Variants in EFCAB13 observed in about 807,000 individuals in gnomAD.
EFCAB13 encodes the protein EF-hand calcium-binding domain-containing protein 13.
In EFCAB13, 91 loss-of-function variants were observed where a neutral mutation model predicts 110.2. The observed-to-expected ratio is 0.83, with a 90% CI of 0.70 to 0.98. EFCAB13 has a LOEUF of 0.98. EFCAB13 is among the 50% of genes least tolerant of loss of function. EFCAB13 has a pLI of 0.00. For synonymous variants in EFCAB13, 323 were observed against 369.9 expected (o/e 0.87, Z 1.45); for missense variants, 968 against 1,119.4 (o/e 0.86, Z 1.93).
At chr17:47,434,389 A>C (rs1460681363) in intron 24 of EFCAB13, among the ~76,000 whole-genome samples, 3 of 152,202 alleles carry the variant, frequency 2.0e-5, no homozygotes, top group African/African-American at 7.2e-5. Context: ...AAAACTACAA[A>C]ACACTGCTGA....
At chr17:47,412,634 A>G in intron 21 of EFCAB13, 139 bp from the exon 22 acceptor site, 5 of 876,322 alleles carry the variant, frequency 5.7e-6, no homozygotes, top group Non-Finnish European at 8.3e-6. Flanking sequence ...TCAGTTACAA[A>G]TAGAAAATAT....
In EFCAB13 at chr17:47,333,020, C is replaced by T. The variant is rs558263947; in HGVS notation, c.31-2176C>T. ...TTTCTGGAATGGCTGTACTAACATTCATACCAACAGTGTGCAGATGTTCCC... is the reference window on the plus strand; with the variant it reads ...TTTCTGGAATGGCTGTACTAACATTTATACCAACAGTGTGCAGATGTTCCC... On this transcript the variant is annotated intron_variant, in intron 4 of 24. Coordinates refer to ENST00000331493, the MANE Select transcript of EFCAB13 (RefSeq NM_152347.5). Among the ~76,000 whole-genome samples, 3 of 152,322 alleles carry T rather than the reference C, an allele frequency of 2.0e-5. No homozygotes were observed. The East Asian group carries it at 5.8e-4, about 29-fold the overall frequency.
intron 5 of EFCAB13, among the ~76,000 whole-genome samples, chr17:47,337,830 T>G (rs766410974): frequency 5.9e-5 from 9 of 152,224 alleles, no homozygotes; most frequent in Admixed American, 6.5e-5. Flanking sequence ...TGATTGGCTA[T>G]ATATTGCTGA....
chr17:47,381,674 G>A (rs1025164328), intron 14 of EFCAB13, among the ~76,000 whole-genome samples: 2 of 152,078 alleles, frequency 1.3e-5, no homozygotes, highest in African/African-American at 4.8e-5. Context: ...GCTGTGTGGT[G>A]CTATTTGAGA....
chr17:47,353,806 T>C (rs1267127599), intron 9 of EFCAB13, among the ~76,000 whole-genome samples: 2 of 152,198 alleles, frequency 1.3e-5, no homozygotes, highest in Non-Finnish European at 2.9e-5. Context: ...TCCATGGCAT[T>C]AGGATTTTCC....
rs2065622262 is a variant in EFCAB13, at chr17:47,377,422, G to A, written c.1373-344G>A. 2.0e-5 allele frequency among the ~76,000 whole-genome samples: 3 copies of A among 152,172 alleles called. No individual in the cohort carries two copies. In the South Asian group the frequency reaches 6.2e-4, roughly 32 times the overall value. ...AATGACCCACCTGCCTTGGCTTCCC[G>A]AAGTGCCGTGATTATAGGCAGGAGC... On this transcript the variant is annotated intron_variant, in intron 12 of 24. Transcript: ENST00000331493.
Position 47,423,495 on chromosome 17 carries a change from C to T in EFCAB13, c.2495-6323C>T, listed in dbSNP as rs567150158. 1.8e-3 allele frequency: 442 copies of T among 240,512 alleles called. 4 individuals carry two copies. The highest frequency in any genetic ancestry group is 9.4e-3 in the African/African-American group (414 of 44,056). 14.9% of individuals were successfully genotyped at this position (240,512 alleles called of 1,614,324 possible). On this transcript the variant is annotated intron_variant, in intron 23 of 24. Transcript: ENST00000331493. ...CTGCGGGCGGCCGGGCGAACGGGCT[C>T]GGCGCGCAGGTGGCTCCTCCTTCGC...
At chr17:47,334,001 T>C (rs1487861627) in intron 4 of EFCAB13, among the ~76,000 whole-genome samples, 1 of 152,208 alleles carries the variant, frequency 6.6e-6, no homozygotes, top group African/African-American at 2.4e-5. Context: ...AGGAATTGCA[T>C]TGAATCTGTA....
chr17:47,381,803 C>T (rs932611496), intron 14 of EFCAB13, among the ~76,000 whole-genome samples: 1 of 152,150 alleles, frequency 6.6e-6, no homozygotes, highest in Non-Finnish European at 1.5e-5. Flanking sequence ...ATACCTCTAG[C>T]TTTCTTCTTT....
intron 6 of EFCAB13, among the ~76,000 whole-genome samples, chr17:47,342,505 T>C (rs867596689): frequency 1.3e-5 from 2 of 152,308 alleles, no homozygotes; most frequent in Middle Eastern, 6.8e-3. Context: ...GCAAATACAT[T>C]TTCTCCAAAT....
chr17:47,402,421 T>G (rs536994598), intron 18 of EFCAB13, among the ~76,000 whole-genome samples: 18 of 152,334 alleles, frequency 1.2e-4, no homozygotes, highest in Non-Finnish European at 1.9e-4. Context: ...ATAAAGCTGG[T>G]TTACTCTGTC....
At chr17:47,343,706 A>T (rs2065398610) in intron 6 of EFCAB13, among the ~76,000 whole-genome samples, 1 of 152,140 alleles carries the variant, frequency 6.6e-6, no homozygotes, top group Non-Finnish European at 1.5e-5. Context: ...ATGTTTATAC[A>T]TGCAATCTTA....
rs1038891061 is a variant in EFCAB13 at position 47,424,181 on chromosome 17, C to T, written c.2495-5637C>T. Among the ~76,000 whole-genome samples the T allele has an allele frequency of 2.6e-5, 4 of 152,322 alleles. No homozygotes were observed. The South Asian group carries it at 8.3e-4, about 32-fold the overall frequency. On this transcript the variant is annotated intron_variant, in intron 23 of 24. Transcript: ENST00000331493. ...CCGCCGCCTAGTCCACCGGAGGAGCCGGCGCCAGCGTGGACGGCGGCAGCC... is the reference window on the plus strand; with the variant it reads ...CCGCCGCCTAGTCCACCGGAGGAGCTGGCGCCAGCGTGGACGGCGGCAGCC...
chr17:47,384,157 T>TG (rs1354523141), intron 14 of EFCAB13, among the ~76,000 whole-genome samples: 1 of 147,894 alleles, frequency 6.8e-6, no homozygotes, highest in Admixed American at 6.7e-5. Flanking sequence ...TTTTTTTTTT[T>TG]GTTTTTTTTT....
At chr17:47,325,019 A>ACCCCC (rs1218577348) in intron 2 of EFCAB13, among the ~76,000 whole-genome samples, 2 of 40,576 alleles carry the variant, frequency 4.9e-5, no homozygotes, top group African/African-American at 8.9e-5. Context: ...TTAACCGCCC[A>ACCCCC]CCCCACCCCC....
chr17:47,409,231 T>C (rs1314139329), intron 20 of EFCAB13: 2 of 161,132 alleles, frequency 1.2e-5, no homozygotes, highest in African/African-American at 4.8e-5. Flanking sequence ...TTAATTACAT[T>C]TAATTAAGTA....
chr17:47,401,021 C>T (rs2065776139), intron 17 of EFCAB13, among the ~76,000 whole-genome samples: 1 of 152,200 alleles, frequency 6.6e-6, no homozygotes, highest in South Asian at 2.1e-4. Context: ...TACCGTTTCT[C>T]CCATCAGAGA....
At chr17:47,377,717 G>T (rs199910970) in intron 12 of EFCAB13, 49 bp from the exon 13 acceptor site, 3 of 1,460,850 alleles carry the variant, frequency 2.1e-6, no homozygotes, top group South Asian at 3.0e-5. Context: ...TATTGCTTTT[G>T]ACACATAAAT....
chr17:47,390,945 T>TATCTATCTATCTATCA (rs1452555142), intron 14 of EFCAB13, among the ~76,000 whole-genome samples: 15 of 152,058 alleles, frequency 9.9e-5, no homozygotes, highest in Middle Eastern at 3.4e-3. Context: ...TCTATCTATC[T>TATCTATCTATCTATCA]ATCATATATT....
Sources: allele counts gnomAD v4.1 joint callset (sites outside exome capture counted in the v4.1 genomes callset), GRCh38; gene constraint gnomAD v4.1.1; transcripts MANE v1.5; gene names NCBI Gene and HGNC (gene_info 2026-07-23, HGNC 2026-07-21).